The following SH3BGRL variants were observed in gnomAD, a reference collection of about 807,000 sequenced individuals.
The protein encoded by SH3BGRL is SH3 domain binding glutamate rich protein like.
Under a neutral mutation model 9.8 loss-of-function variants are expected in SH3BGRL, and 7 were observed. The observed-to-expected ratio is 0.72, with a 90% CI of 0.41 to 1.35. The LOEUF (loss-of-function observed/expected upper bound fraction) is 1.35, where lower values mean the gene tolerates loss of function less well. Ranked by LOEUF, SH3BGRL falls within the 40% of genes most tolerant of loss-of-function variation. The probability of loss-of-function intolerance (pLI) is 0.01; values close to 1 mark genes in which losing one functional copy is unlikely to be tolerated. For synonymous variants in SH3BGRL, 36 were observed against 29.1 expected (o/e 1.24, Z -0.76); for missense variants, 73 against 84.4 (o/e 0.86, Z 0.53).
At chrX:81,289,153 G>T (rs1258765514) in intron 3 of SH3BGRL, among the ~76,000 whole-genome samples, 1 of 112,094 alleles carries the variant, frequency 8.9e-6, no homozygotes, top group Non-Finnish European at 1.9e-5. Flanking sequence ...TTTGACAAAG[G>T]TGCCAAGAAC....
rs142731729 is a variant in SH3BGRL at position 81,295,621 on chromosome X, G to T, written c.313-1574G>T. On this transcript the variant is annotated intron_variant, in intron 3 of 3. Coordinates refer to ENST00000373212, the MANE Select transcript of SH3BGRL (RefSeq NM_003022.3). ...GGCAGCATGCAGCCCACAGACCACA[G>T]GTTTGACAAGCTTGCCCTAAACCAT... 2.2e-3 allele frequency among the ~76,000 whole-genome samples: 246 copies of T among 111,515 alleles called. 1 individual carries two copies. Among genetic ancestry groups the T allele is most frequent in the African/African-American group, 7.8e-3 (238 of 30,673 alleles).
chrX:81,214,150 A>T (rs2075574313), intron 1 of SH3BGRL, among the ~76,000 whole-genome samples: 1 of 112,125 alleles, frequency 8.9e-6, no homozygotes, highest in African/African-American at 3.2e-5. Flanking sequence ...AAGAATTTTC[A>T]AGGACAATGA....
chrX:81,259,468 AG>A (rs1302557647), intron 1 of SH3BGRL, among the ~76,000 whole-genome samples: 1 of 112,198 alleles, frequency 8.9e-6, no homozygotes, highest in African/African-American at 3.2e-5. Context: ...AAATCTATGC[AG>A]AAACTCACTG....
At chrX:81,268,476 A>G (rs749123947) in intron 1 of SH3BGRL, among the ~76,000 whole-genome samples, 2 of 111,384 alleles carry the variant, frequency 1.8e-5, no homozygotes, top group Admixed American at 1.9e-4. Context: ...TTCATTATTT[A>G]CCCATTAGTC....
chrX:81,243,781 T>G (rs2075679575), intron 1 of SH3BGRL, among the ~76,000 whole-genome samples: 1 of 111,688 alleles, frequency 9.0e-6, no homozygotes, highest in African/African-American at 3.3e-5. Context: ...TTCTAATATA[T>G]TTACATTAAT....
chrX:81,264,597 C>T (rs1273863682), intron 1 of SH3BGRL, among the ~76,000 whole-genome samples: 2 of 110,570 alleles, frequency 1.8e-5, no homozygotes, highest in African/African-American at 6.6e-5. Context: ...TTATGTGACC[C>T]TCTGTTAGAA....
chrX:81,229,843 G>T (rs913957989), intron 1 of SH3BGRL, among the ~76,000 whole-genome samples: 5 of 111,949 alleles, frequency 4.5e-5, no homozygotes, highest in Non-Finnish European at 9.4e-5. Context: ...TGCAGCATTT[G>T]GGCAGGAAAA....
intron 1 of SH3BGRL, among the ~76,000 whole-genome samples, chrX:81,250,528 G>C (rs1265951789): frequency 8.9e-5 from 10 of 111,976 alleles, no homozygotes; most frequent in Non-Finnish European, 1.9e-4. Flanking sequence ...GTTTGGTGTT[G>C]TACTCCATCC....
chrX:81,237,327 G>A (rs1048879632), intron 1 of SH3BGRL: 3 of 316,735 alleles, frequency 9.5e-6, no homozygotes, highest in African/African-American at 8.1e-5. Flanking sequence ...GGTGAAAGAG[G>A]CACTGAAAAG....
chrX:81,223,521 G>A (rs1439824820), intron 1 of SH3BGRL, among the ~76,000 whole-genome samples: 1 of 110,556 alleles, frequency 9.0e-6, no homozygotes, highest in Non-Finnish European at 1.9e-5. Flanking sequence ...GTTTTGAAAA[G>A]CTTAAAATAA....
chrX:81,284,753 A>C (rs375744870), intron 3 of SH3BGRL, among the ~76,000 whole-genome samples: 49 of 111,206 alleles, frequency 4.4e-4, no homozygotes, highest in African/African-American at 1.5e-3. Flanking sequence ...GGAGAATTGA[A>C]CAGATTCAGT....
chrX:81,273,859 G>A (rs1723788207), intron 1 of SH3BGRL, among the ~76,000 whole-genome samples: 1 of 111,029 alleles, frequency 9.0e-6, no homozygotes, highest in East Asian at 2.8e-4. Flanking sequence ...AGACTTGTGG[G>A]AAGACAACTG....
chrX:81,290,515 T>C (rs751529012), intron 3 of SH3BGRL, among the ~76,000 whole-genome samples: 1 of 110,862 alleles, frequency 9.0e-6, no homozygotes, highest in African/African-American at 3.3e-5. Context: ...ATTTGTGGGA[T>C]CTAAAAATCA....
chrX:81,287,991 G>T (rs917178765), intron 3 of SH3BGRL, among the ~76,000 whole-genome samples: 6 of 108,675 alleles, frequency 5.5e-5, no homozygotes, highest in African/African-American at 2.0e-4. Flanking sequence ...GAGAAAGAAA[G>T]AAACTACAGG....
intron 1 of SH3BGRL, among the ~76,000 whole-genome samples, chrX:81,211,060 A>G (rs2075561611): frequency 8.9e-6 from 1 of 112,441 alleles, no homozygotes; most frequent in Non-Finnish European, 1.9e-5. Flanking sequence ...TTTAGCTGTA[A>G]GGGTGAGATA....
intron 1 of SH3BGRL, among the ~76,000 whole-genome samples, chrX:81,238,471 A>G (rs1359509855): frequency 8.9e-6 from 1 of 112,208 alleles, no homozygotes; most frequent in East Asian, 2.8e-4. Flanking sequence ...CAGTGCAGCC[A>G]CAGTATAATA....
chrX:81,220,907 T>G (rs762914548), intron 1 of SH3BGRL, among the ~76,000 whole-genome samples: 1 of 111,487 alleles, frequency 9.0e-6, no homozygotes, highest in Admixed American at 9.6e-5. Flanking sequence ...CTTATTTTCA[T>G]GTGTTTGGAT....
At chrX:81,269,853 C>A (rs912946855) in intron 1 of SH3BGRL, among the ~76,000 whole-genome samples, 4 of 111,658 alleles carry the variant, frequency 3.6e-5, no homozygotes, top group Admixed American at 2.9e-4. Context: ...TTCAGGTACA[C>A]CAATCAGACG....
chrX:81,271,868 C>A (rs2075780901), intron 1 of SH3BGRL, among the ~76,000 whole-genome samples: 1 of 111,130 alleles, frequency 9.0e-6, no homozygotes, highest in Non-Finnish European at 1.9e-5. Context: ...AAAGGTGTAT[C>A]TTGCTGTGGT....
Sources: gnomAD v4.1 joint callset for allele counts (sites outside exome capture counted in the v4.1 genomes callset) on GRCh38, gnomAD v4.1.1 for gene constraint, MANE v1.5 for transcripts, NCBI Gene and HGNC (gene_info 2026-07-23, HGNC 2026-07-21) for gene names.